Variants in MALRD1 observed in about 807,000 individuals in gnomAD.
MALRD1 encodes the protein MAM and LDL-receptor class A domain-containing protein 1.
Under a neutral mutation model 242.1 loss-of-function variants are expected in MALRD1, and 247 were observed. The ratio of observed to expected loss-of-function variants is 1.02; its 90% CI spans 0.92 to 1.13. The LOEUF is 1.13. Ranked by LOEUF, MALRD1 falls within the 50% of genes most tolerant of loss-of-function variation. MALRD1 has a pLI of 0.00. For missense variants in MALRD1, 2,989 were observed against 2,533.1 expected, an observed-to-expected ratio of 1.18 and a Z score of -3.86; for synonymous variants, 995 against 866.6, an observed-to-expected ratio of 1.15 and a Z score of -2.60.
At chr10:19,147,765 TGAA>T (rs1330390010) in intron 11 of MALRD1, among the ~76,000 whole-genome samples, 3 of 152,136 alleles carry the variant, frequency 2.0e-5, no homozygotes, top group Non-Finnish European at 4.4e-5. Context: ...GATGCCTTGT[TGAA>T]GGAGATGACT....
intron 18 of MALRD1, among the ~76,000 whole-genome samples, chr10:19,232,928 A>T (rs1007716294): frequency 6.6e-6 from 1 of 152,188 alleles, no homozygotes; most frequent in Non-Finnish European, 1.5e-5. Flanking sequence ...GCTTATCTTT[A>T]ACACTTTGTC....
chr10:19,327,524 A>G (rs1843185242), intron 22 of MALRD1, 39 bp from the exon 23 acceptor site: 6 of 1,474,118 alleles, frequency 4.1e-6, no homozygotes. Flanking sequence ...TTCTCAAGAT[A>G]AAATACTTCA....
chr10:19,366,195 G>A (rs1462065776), intron 26 of MALRD1, among the ~76,000 whole-genome samples: 1 of 151,738 alleles, frequency 6.6e-6, no homozygotes, highest in African/African-American at 2.4e-5. Flanking sequence ...TAGAATCAAT[G>A]GGAGCCCTGA....
chr10:19,342,333 C>T (rs530648388), intron 24 of MALRD1, among the ~76,000 whole-genome samples: 8 of 152,106 alleles, frequency 5.3e-5, no homozygotes, highest in Non-Finnish European at 1.2e-4. Flanking sequence ...ATAATTAACA[C>T]TCACATTATC....
intron 33 of MALRD1, among the ~76,000 whole-genome samples, chr10:19,590,689 T>C (rs1589277966): frequency 2.6e-5 from 4 of 152,300 alleles, no homozygotes; most frequent in Admixed American, 2.6e-4. Flanking sequence ...AATTAATACG[T>C]GTATATATAC....
intron 28 of MALRD1, among the ~76,000 whole-genome samples, chr10:19,411,328 G>A (rs1016940061): frequency 3.9e-5 from 6 of 152,190 alleles, no homozygotes; most frequent in African/African-American, 1.4e-4. Context: ...ACTAGCAGCA[G>A]CAGCAGCAGC....
At chr10:19,461,926 C>T (rs1340186184) in intron 29 of MALRD1, among the ~76,000 whole-genome samples, 2 of 152,130 alleles carry the variant, frequency 1.3e-5, no homozygotes, top group South Asian at 2.1e-4. Context: ...GGGGAATACA[C>T]GAGCCTGGAC....
chr10:19,646,128 T>G (rs7096462), intron 36 of MALRD1, among the ~76,000 whole-genome samples: 77,483 of 151,956 alleles, frequency 0.51, 19,902 homozygotes, highest in East Asian at 0.54. Context: ...TTTCTTCTTT[T>G]GTTTATTTTC....
intron 19 of MALRD1, among the ~76,000 whole-genome samples, chr10:19,279,788 A>T (rs1840713545): frequency 6.6e-6 from 1 of 152,158 alleles, no homozygotes; most frequent in East Asian, 1.9e-4. Context: ...TGGGCCTCCC[A>T]TTGATTTGGT....
At chr10:19,668,117 G>A (rs181997260) in intron 36 of MALRD1, among the ~76,000 whole-genome samples, 2 of 152,242 alleles carry the variant, frequency 1.3e-5, no homozygotes, top group African/African-American at 4.8e-5. Context: ...TTGGTAATTA[G>A]GTTCTCAAGA....
At position 19,352,067 on chromosome 10, in the gene MALRD1, C is replaced by G; in HGVS notation, c.4211C>G (p.Ser1404Ter). The change falls in exon 26 of 40, where the codon TCA becomes TGA. Residue 1404 changes from serine to a stop codon, truncating the protein, a stop_gained. Coordinates refer to ENST00000454679, the MANE Select transcript of MALRD1 (RefSeq NM_001142308.3). LOFTEE classifies it high-confidence loss of function. ...GGGGCACTCACCTTAATGCAGGTGT[C>G]AGTCACAAACCAAACGAAGGTTCTA... Reference protein sequence around the residue: ...GIGALTLMQVSVTNQTKVLLN... With the variant: ...GIGALTLMQV 6.4e-7 allele frequency: 1 copy of G among 1,550,426 alleles called. No homozygotes were observed. The highest frequency in any genetic ancestry group is 8.7e-7 in the Non-Finnish European group (1 of 1,146,866).
chr10:19,161,549 G>GAAAAAAAAAAAAAA (rs1491548638), intron 12 of MALRD1, among the ~76,000 whole-genome samples: 5 of 11,510 alleles, frequency 4.3e-4, no homozygotes, highest in Non-Finnish European at 6.2e-4. Flanking sequence ...GAAAAAAAAA[G>GAAAAAAAAAAAAAA]CAAAAAAAAA....
intron 29 of MALRD1, chr10:19,489,232 A>G (rs1199382298): frequency 1.0e-5 from 5 of 476,302 alleles, no homozygotes; most frequent in East Asian, 1.3e-4. Flanking sequence ...CGAAGGATAC[A>G]TCTTAAGACA....
chr10:19,426,486 C>T (rs1163648218), intron 28 of MALRD1, among the ~76,000 whole-genome samples: 1 of 152,118 alleles, frequency 6.6e-6, no homozygotes, highest in African/African-American at 2.4e-5. Context: ...ATTTTTCCTA[C>T]TAGCCACATG....
At chr10:19,540,013 C>T (rs1834894369) in intron 32 of MALRD1, among the ~76,000 whole-genome samples, 1 of 151,726 alleles carries the variant, frequency 6.6e-6, no homozygotes, top group African/African-American at 2.4e-5. Context: ...ATGCCACATG[C>T]CCAGTGTGTT....
At chr10:19,611,199 A>T (rs910930353) in intron 35 of MALRD1, among the ~76,000 whole-genome samples, 3 of 151,970 alleles carry the variant, frequency 2.0e-5, no homozygotes, top group South Asian at 4.1e-4. Flanking sequence ...GAAGAATCTT[A>T]TACTTAGAGT....
intron 36 of MALRD1, among the ~76,000 whole-genome samples, chr10:19,681,946 C>T (rs1349467595): frequency 6.6e-6 from 1 of 151,454 alleles, no homozygotes; most frequent in Non-Finnish European, 1.5e-5. Flanking sequence ...ACCTCTGTCT[C>T]CCCACATTAG....
At chr10:19,280,457 A>G (rs1359723759) in intron 20 of MALRD1, among the ~76,000 whole-genome samples, 2 of 152,228 alleles carry the variant, frequency 1.3e-5, no homozygotes, top group African/African-American at 4.8e-5. Context: ...ATTCAAAACT[A>G]TCGTTTTCAC....
At chr10:19,170,969 CCTT>C (rs1284537467) in intron 13 of MALRD1, among the ~76,000 whole-genome samples, 1 of 152,046 alleles carries the variant, frequency 6.6e-6, no homozygotes, top group Non-Finnish European at 1.5e-5. Context: ...ACTCTCTACT[CCTT>C]CTTACTATAT....
Sources: gnomAD v4.1 joint callset for allele counts (sites outside exome capture counted in the v4.1 genomes callset) on GRCh38, gnomAD v4.1.1 for gene constraint, MANE v1.5 for transcripts, NCBI Gene and HGNC (gene_info 2026-07-23, HGNC 2026-07-21) for gene names.